NLRP2: variants seen among roughly 807,000 people sequenced by gnomAD.
NLRP2 encodes the protein NACHT, LRR and PYD domains-containing protein 2.
A neutral mutation model predicts 97.2 loss-of-function variants in NLRP2; 107 were observed. The ratio of observed to expected loss-of-function variants is 1.10; its 90% CI spans 0.94 to 1.29. The LOEUF (loss-of-function observed/expected upper bound fraction) is 1.29. Ranked by LOEUF, NLRP2 falls within the 50% of genes most tolerant of loss-of-function variation. The probability of loss-of-function intolerance (pLI) is 0.00; values close to 1 mark genes in which losing one functional copy is unlikely to be tolerated. For synonymous variants in NLRP2, 663 were observed against 551.5 expected (o/e 1.20, Z -2.83); for missense variants, 1,495 against 1,330.3 (o/e 1.12, Z -1.93).
At chr19:54,967,482 AAAAATAAAAT>A in intron 1 of NLRP2, among the ~76,000 whole-genome samples, 1 of 152,246 alleles carries the variant, frequency 6.6e-6, no homozygotes, top group South Asian at 2.1e-4. Flanking sequence ...AACTGTCTCA[AAAAATAAAAT>A]AAAATAAAAT....
chr19:54,994,123 C>G (rs1465606963), intron 10 of NLRP2, 146 bp from the exon 11 acceptor site: 2 of 880,888 alleles, frequency 2.3e-6, no homozygotes, highest in Non-Finnish European at 3.7e-6. Context: ...GGCCATTCTT[C>G]TGTCCACCAC....
intron 4 of NLRP2, 108 bp from the exon 5 acceptor site, chr19:54,981,509 G>GCCACCCC: frequency 2.6e-6 from 1 of 386,504 alleles, no homozygotes; most frequent in Non-Finnish European, 5.3e-6. Flanking sequence ...CTGATCCCGT[G>GCCACCCC]CCCCCCCTCC....
intron 10 of NLRP2, 140 bp from the exon 11 acceptor site, chr19:54,994,129 A>T: frequency 1.1e-6 from 1 of 938,440 alleles, no homozygotes; most frequent in Non-Finnish European, 1.7e-6. Context: ...TCTTCTGTCC[A>T]CCACACCACC....
In NLRP2 at chr19:54,982,758, A is replaced by C; in HGVS notation, c.1060A>C (p.Ile354Leu). The C allele has an allele frequency of 6.2e-7, 1 of 1,614,118 alleles. No individual in the cohort carries two copies. Among genetic ancestry groups the C allele is most frequent in the East Asian group, 2.2e-5 (1 of 44,874 alleles). ...LRILAEEPIY[I>L]RVEGFLEEDR... is the part of the protein sequence containing the mutation. ...GATCCTGGCGGAGGAGCCGATCTAC[A>C]TAAGGGTGGAGGGCTTCCTGGAGGA... The change falls in exon 6 of 13, where the codon ATA becomes CTA. Residue 354 changes from isoleucine to leucine, a missense_variant. Physicochemically the swap from Ile to Leu is conservative, Grantham distance 5. Transcript: ENST00000448584.
At position 54,984,485 on chromosome 19, in the gene NLRP2, C is replaced by CTT. The variant is rs36061621; in HGVS notation, c.2031-548_2031-547dup. 1.3e-3 allele frequency among the ~76,000 whole-genome samples: 100 copies of CTT among 76,922 alleles called. 14 individuals carry two copies. In the South Asian group the frequency reaches 0.015, roughly 11 times the overall value. The allele number at this position is 76,922 out of a possible 152,430, so 50.5% of individuals were successfully genotyped here. On this transcript the variant is annotated intron_variant, in intron 6 of 12. Transcript: ENST00000448584. Reference sequence around the variant, plus strand: ...ATGTATAGATATGTATATTCCCAATCTTTTTTTTTTTTTTTGAGACGGAGT... The same window carrying CTT: ...ATGTATAGATATGTATATTCCCAATCTTTTTTTTTTTTTTTTTGAGACGGAGT...
chr19:54,990,310 T>C (rs755928193), intron 9 of NLRP2, 118 bp downstream of exon 9: 2 of 1,210,892 alleles, frequency 1.7e-6, no homozygotes, highest in Admixed American at 3.6e-5. Flanking sequence ...CCTGTTCCCA[T>C]GTTTAGATCC....
intron 4 of NLRP2, 40 bp from the exon 5 acceptor site, chr19:54,981,577 C>T (rs1277033211): frequency 6.8e-6 from 7 of 1,028,432 alleles, no homozygotes; most frequent in East Asian, 4.0e-5. Context: ...GGAAATACAC[C>T]TGATTTTGTG....
At chr19:55,000,694 C>T (rs1187370727) in intron 12 of NLRP2, 66 bp from the exon 13 acceptor site, 2 of 1,556,764 alleles carry the variant, frequency 1.3e-6, no homozygotes, top group African/African-American at 2.7e-5. Flanking sequence ...CTTTCAGGTA[C>T]TTGGGAATTT....
chr19:54,990,402 T>C, intron 9 of NLRP2, 100 bp from the exon 10 acceptor site: 1 of 1,310,016 alleles, frequency 7.6e-7, no homozygotes, highest in Non-Finnish European at 1.1e-6. Flanking sequence ...AGGTGGGGAG[T>C]TCACAAGAAG....
At chr19:54,973,634 A>G (rs2071015338) in intron 2 of NLRP2, among the ~76,000 whole-genome samples, 1 of 152,186 alleles carries the variant, frequency 6.6e-6, no homozygotes, top group South Asian at 2.1e-4. Context: ...TCAGCCTCCC[A>G]GAGTGCTGGG....
chr19:54,993,200 CAG>C (rs985389398), intron 10 of NLRP2: 9 of 138,364 alleles, frequency 6.5e-5, no homozygotes, highest in African/African-American at 2.5e-4. Context: ...GCCTGGGTGT[CAG>C]AGCGAGACTG....
chr19:54,995,515 C>CAG (rs1292009583), intron 11 of NLRP2, among the ~76,000 whole-genome samples: 2 of 151,526 alleles, frequency 1.3e-5, no homozygotes, highest in East Asian at 4.0e-4. Flanking sequence ...ACCCTGGAGG[C>CAG]AGAGGTTGCA....
intron 8 of NLRP2, among the ~76,000 whole-genome samples, chr19:54,988,859 A>G (rs2072270299): frequency 6.6e-6 from 1 of 151,910 alleles, no homozygotes; most frequent in Non-Finnish European, 1.5e-5. Flanking sequence ...TTTCCGGATG[A>G]ACAGGGCACC....
intron 4 of NLRP2, among the ~76,000 whole-genome samples, chr19:54,980,336 C>CA (rs2071492014): frequency 6.6e-6 from 1 of 151,714 alleles, no homozygotes; most frequent in African/African-American, 2.4e-5. Context: ...GCTGGGACTA[C>CA]AGGCGCCCGC....
At chr19:54,980,586 G>A (rs1269445208) in intron 4 of NLRP2, among the ~76,000 whole-genome samples, 2 of 152,212 alleles carry the variant, frequency 1.3e-5, no homozygotes, top group Admixed American at 6.6e-5. Context: ...AGACCCCAGC[G>A]GGCAGGTTGT....
At chr19:54,993,947 C>G (rs1368145829) in intron 10 of NLRP2, 2 of 454,692 alleles carry the variant, frequency 4.4e-6, no homozygotes, top group Non-Finnish European at 8.0e-6. Flanking sequence ...TATCACGTCA[C>G]CTCCTGCTGG....
intron 11 of NLRP2, among the ~76,000 whole-genome samples, 165 bp downstream of exon 11, chr19:54,994,604 A>T (rs2072702855): frequency 6.6e-6 from 1 of 150,944 alleles, no homozygotes; most frequent in Non-Finnish European, 1.5e-5. Context: ...GTTCTAGTCT[A>T]TGTCTAAGTT....
At position 55,000,962 on chromosome 19, in the gene NLRP2, T is replaced by C. The variant is rs1044482947; in HGVS notation, c.*64T>C. 1.5e-5 allele frequency: 22 copies of C among 1,486,026 alleles called. No individual in the cohort carries two copies. The highest frequency in any genetic ancestry group is 1.7e-4 in the Middle Eastern group (1 of 5,800). 92.1% of individuals were successfully genotyped at this position (1,486,026 alleles called of 1,614,324 possible). A position where few individuals can be genotyped will look rare whatever the true frequency, so the allele number is the denominator to read the frequency against. ...TTTCCAGGTGTTGGTGAACTGCCTG[T>C]GACTCCTCTCCTCCCCGGCCCCTAC... is the stretch of plus-strand genomic sequence containing the variant. On this transcript the variant is annotated 3_prime_UTR_variant, in exon 13 of 13. Transcript: ENST00000448584.
Position 54,970,140 on chromosome 19 carries a change from T to TC in NLRP2, c.130dup (p.His44ProfsTer8). 6.2e-7 allele frequency: 1 copy of TC among 1,613,878 alleles called. No homozygotes were observed. Among genetic ancestry groups the TC allele is most frequent in the Non-Finnish European group, 8.5e-7 (1 of 1,179,976 alleles). Reference sequence around the variant, plus strand: ...TCCCTGGCACACGAGCTCCAGAAGATCCCCCACAAGGAGGTAGACAAGGCT... The same window carrying TC: ...TCCCTGGCACACGAGCTCCAGAAGATCCCCCCACAAGGAGGTAGACAAGGCT... On this transcript the variant is annotated frameshift_variant, in exon 2 of 13. Coordinates refer to ENST00000448584, the MANE Select transcript of NLRP2 (RefSeq NM_017852.5). LOFTEE classifies it high-confidence loss of function.
Sources: allele counts gnomAD v4.1 joint callset (sites outside exome capture counted in the v4.1 genomes callset), GRCh38; gene constraint gnomAD v4.1.1; transcripts MANE v1.5; gene names NCBI Gene and HGNC (gene_info 2026-07-23, HGNC 2026-07-21).